GPC1: variants seen among roughly 807,000 people sequenced by gnomAD.
The protein encoded by GPC1 is glypican 1, also known as glypican-1.
In GPC1, 26 loss-of-function variants were observed where a neutral mutation model predicts 51.5. That is an observed-to-expected ratio of 0.50 (90% CI 0.37 to 0.70). GPC1 has a LOEUF of 0.70. Among genes scored for constraint, GPC1 ranks in the 30% least tolerant of loss-of-function variants. GPC1 has a pLI of 0.00. For missense variants in GPC1, 775 were observed against 800.5 expected (o/e 0.97, Z 0.38); for synonymous variants, 380 against 348.3 (o/e 1.09, Z -1.01).
chr2:240,461,403 C>T (rs1004695589), intron 2 of GPC1, among the ~76,000 whole-genome samples: 6 of 152,210 alleles, frequency 3.9e-5, no homozygotes, highest in Admixed American at 1.3e-4. Flanking sequence ...GCCCTAGGGA[C>T]GCTCTGAGCA....
intron 1 of GPC1, chr2:240,452,747 C>T (rs1006103231): frequency 6.7e-6 from 1 of 149,792 alleles, no homozygotes; most frequent in Non-Finnish European, 1.5e-5. Flanking sequence ...GTGCCGAGCG[C>T]GGCGGGGCGG....
At position 240,463,574 on chromosome 2, in the gene GPC1, TG is replaced by T. The variant is rs2074235576; in HGVS notation, c.883+68del. 4 of 1,464,278 alleles carry T rather than the reference TG, an allele frequency of 2.7e-6. No homozygotes were observed. The South Asian group carries it at 3.5e-5, about 13-fold the overall frequency. The allele number at this position is 1,464,278 out of a possible 1,614,324, so 90.7% of individuals were successfully genotyped here. On this transcript the variant is annotated intron_variant, in intron 4 of 8. Coordinates refer to ENST00000264039, the MANE Select transcript of GPC1 (RefSeq NM_002081.3). The stretch of plus-strand genomic sequence containing the variant: ...TTGGGGAGTGCACGACTGGGGGTCC[TG>T]GGGGGCGGGTGGTCCCTAGCTTAGA...
intron 4 of GPC1, chr2:240,464,222 G>A (rs968749347): frequency 1.1e-5 from 3 of 270,630 alleles, no homozygotes; most frequent in Non-Finnish European, 2.2e-5. Flanking sequence ...GGGGGCATGA[G>A]GTAAGCCAGC....
intron 8 of GPC1, 87 bp downstream of exon 8, chr2:240,465,735 C>G: frequency 9.0e-7 from 1 of 1,108,524 alleles, no homozygotes; most frequent in Non-Finnish European, 1.3e-6. Context: ...GTTCCCCCAC[C>G]CGAGGGGCCC....
In GPC1 at chr2:240,464,629, C is replaced by T; in HGVS notation, c.897C>T (p.Leu299=). ...EWRNLLDSMV[L]ITDKFWGTSG... ...CGCCTGTCCTAGACTCCATGGTGCT[C>T]ATCACCGACAAGTTCTGGGGTACAT... Residue 299 remains leucine (L), a synonymous_variant, in exon 5 of 9, where the codon CTC becomes CTT. Coordinates refer to ENST00000264039, the MANE Select transcript of GPC1 (RefSeq NM_002081.3). 2.5e-6 allele frequency: 4 copies of T among 1,613,204 alleles called. No homozygotes were observed. Among genetic ancestry groups the T allele is most frequent in the African/African-American group, 1.3e-5 (1 of 75,030 alleles).
intron 1 of GPC1, among the ~76,000 whole-genome samples, chr2:240,440,579 G>A (rs560380284): frequency 5.4e-3 from 801 of 147,204 alleles, no homozygotes; most frequent in Middle Eastern, 0.011. Context: ...GCTCCTCCTG[G>A]CCTCCCTGCC....
At position 240,462,182 on chromosome 2, in the gene GPC1, T is replaced by C; in HGVS notation, c.326-9T>C. 1 of 1,574,168 alleles carries C rather than the reference T, an allele frequency of 6.4e-7. No individual in the cohort carries two copies. Among genetic ancestry groups the C allele is most frequent in the Non-Finnish European group, 8.6e-7 (1 of 1,156,676 alleles). On this transcript the variant is annotated splice_polypyrimidine_tract_variant and intron_variant, in intron 2 of 8. Coordinates refer to ENST00000264039, the MANE Select transcript of GPC1 (RefSeq NM_002081.3). The stretch of plus-strand genomic sequence containing the variant: ...CATGGTCCCGATCACGCCCCCTCCC[T>C]GTGCGCAGACCACTTCCAGCACCTG...
Position 240,462,569 on chromosome 2 carries a change from G to T in GPC1, c.704G>T (p.Arg235Leu). The change falls in exon 3 of 9, where the codon CGG (arginine) becomes CTG (leucine). Residue 235 changes from arginine to leucine, a missense_variant. Transcript: ENST00000264039. The part of the protein sequence containing the change: ...QGLGVASDVV[R>L]KVAQVPLGPE... ...CTGGGCGTGGCCAGCGACGTGGTCC[G>T]GAAAGTGGCTCAGGTGCGCACAGCC... is the stretch of plus-strand genomic sequence containing the variant. The T allele has an allele frequency of 6.6e-7, 1 of 1,526,558 alleles. No individual in the cohort carries two copies. The allele number at this position is 1,526,558 out of a possible 1,614,324, so 94.6% of individuals were successfully genotyped here. A position where few individuals can be genotyped will look rare whatever the true frequency, so the allele number is the denominator to read the frequency against.
chr2:240,436,341 C>T (rs1307911916), intron 1 of GPC1, among the ~76,000 whole-genome samples: 2 of 152,122 alleles, frequency 1.3e-5, no homozygotes, highest in Non-Finnish European at 2.9e-5. Flanking sequence ...GCCCCCCGCA[C>T]GCCGGCTTCT....
intron 1 of GPC1, among the ~76,000 whole-genome samples, chr2:240,437,286 T>C (rs2073990165): frequency 6.6e-6 from 1 of 152,148 alleles, no homozygotes; most frequent in Admixed American, 6.5e-5. Flanking sequence ...GCAGTCGGGC[T>C]CTGGACCCCT....
Position 240,450,495 on chromosome 2 carries a change from G to A in GPC1, c.167-8535G>A, listed in dbSNP as rs1272864206. On this transcript the variant is annotated intron_variant, in intron 1 of 8. Coordinates refer to ENST00000264039, the MANE Select transcript of GPC1 (RefSeq NM_002081.3). ...CTCTATGTGTCAGCTATGTCAGCGG[G>A]ACCTACAGCTGCTGTGAAGATGAAA... 3 of 433,706 alleles carry A rather than the reference G, an allele frequency of 6.9e-6. No individual in the cohort carries two copies. In the Admixed American group the frequency reaches 7.5e-5, roughly 11 times the overall value. The allele number at this position is 433,706 out of a possible 1,614,324, so 26.9% of individuals were successfully genotyped here.
At chr2:240,462,109 TCCCGGGCTGAGTC>T in intron 2 of GPC1, 69 bp from the exon 3 acceptor site, 11 of 1,332,056 alleles carry the variant, frequency 8.3e-6, no homozygotes, top group Non-Finnish European at 1.1e-5. Flanking sequence ...GAGCTGAGTC[TCCCGGGCTGAGTC>T]CCCTGCTCTG....
At chr2:240,463,610 C>A in intron 4 of GPC1, 98 bp downstream of exon 4, 1 of 1,027,600 alleles carries the variant, frequency 9.7e-7, no homozygotes, top group Non-Finnish European at 1.4e-6. Context: ...AGCTTGGACC[C>A]AGGGACCTGA....
At chr2:240,461,081 T>G (rs1168565746) in intron 2 of GPC1, among the ~76,000 whole-genome samples, 3 of 152,154 alleles carry the variant, frequency 2.0e-5, no homozygotes, top group African/African-American at 7.2e-5. Flanking sequence ...CCTCTAGGTG[T>G]GTCTGGGCTA....
At position 240,436,014 on chromosome 2, in the gene GPC1, C is replaced by T. The variant is rs369124935; in HGVS notation, c.96C>T (p.Cys32=). The part of the protein sequence containing the change: ...RGDPASKSRS[C]GEVRQIYGAK... ...ACCCGGCCAGCAAGAGCCGGAGCTGCGGCGAGGTCCGCCAGATCTACGGAG... is the reference window on the plus strand; with the variant it reads ...ACCCGGCCAGCAAGAGCCGGAGCTGTGGCGAGGTCCGCCAGATCTACGGAG... The change falls in exon 1 of 9, where the codon TGC becomes TGT. Residue 32 remains cysteine (C), a synonymous_variant. Coordinates refer to ENST00000264039, the MANE Select transcript of GPC1 (RefSeq NM_002081.3). 8 of 1,383,150 alleles carry T rather than the reference C, an allele frequency of 5.8e-6. No homozygotes were observed. The highest frequency in any genetic ancestry group is 4.5e-5 in the African/African-American group (3 of 67,256). The allele number at this position is 1,383,150 out of a possible 1,614,324, so 85.7% of individuals were successfully genotyped here. A position where few individuals can be genotyped will look rare whatever the true frequency, so the allele number is the denominator to read the frequency against.
intron 4 of GPC1, 177 bp from the exon 5 acceptor site, chr2:240,464,439 G>A (rs1394852361): frequency 7.0e-6 from 5 of 715,656 alleles, no homozygotes; most frequent in Non-Finnish European, 1.2e-5. Context: ...CAAGCTGAGT[G>A]CACGTGGCCT....
At position 240,457,258 on chromosome 2, in the gene GPC1, C is replaced by G. The variant is rs185877095; in HGVS notation, c.167-1772C>G. Among the ~76,000 whole-genome samples, 859 of 152,298 alleles carry G rather than the reference C, an allele frequency of 5.6e-3. 7 individuals carry two copies. Among genetic ancestry groups the G allele is most frequent in the Non-Finnish European group, 4.8e-3 (327 of 68,020 alleles). On this transcript the variant is annotated intron_variant, in intron 1 of 8. Coordinates refer to ENST00000264039, the MANE Select transcript of GPC1 (RefSeq NM_002081.3). ...TCCAGGATAAGAACCCCTACCTCGGCCCTCCCTCGCTCTCCCAGGCCCCTC... is the reference window on the plus strand; with the variant it reads ...TCCAGGATAAGAACCCCTACCTCGGGCCTCCCTCGCTCTCCCAGGCCCCTC...
rs746650912 is a variant in GPC1, at chr2:240,466,127, G to A, written c.1514G>A (p.Arg505Lys). 2.5e-6 allele frequency: 4 copies of A among 1,612,972 alleles called. No homozygotes were observed. The highest frequency in any genetic ancestry group is 1.1e-5 in the South Asian group (1 of 91,078). Residue 505 changes from arginine (R) to lysine (K), a missense_variant, in exon 9 of 9, where the codon AGG becomes AAG. Arg to Lys is a conservative substitution (Grantham distance 26). Transcript: ENST00000264039. ...LDDLCSRKVS[R>K]KSSSSRTPLT... ...GACCTCTGCAGCCGGAAGGTCAGCA[G>A]GAAGAGCTCCAGCTCCCGGACGCCC...
chr2:240,454,329 C>T (rs1466251606), intron 1 of GPC1, among the ~76,000 whole-genome samples: 2 of 152,182 alleles, frequency 1.3e-5, no homozygotes, highest in Non-Finnish European at 2.9e-5. Context: ...CAGGAAACCC[C>T]CTGGGTCGTT....
Sources: allele counts gnomAD v4.1 joint callset (sites outside exome capture counted in the v4.1 genomes callset), GRCh38; gene constraint gnomAD v4.1.1; transcripts MANE v1.5; gene names NCBI Gene and HGNC (gene_info 2026-07-23, HGNC 2026-07-21).